CTNND2: variants seen among roughly 807,000 people sequenced by gnomAD.
CTNND2 encodes the protein catenin delta-2.
CTNND2 carries 22 observed loss-of-function variants against 144.4 expected under a neutral mutation model. The ratio of observed to expected loss-of-function variants is 0.15; its 90% CI spans 0.11 to 0.22. The LOEUF (loss-of-function observed/expected upper bound fraction) is 0.22. Ranked by LOEUF, CTNND2 falls within the 10% of genes least tolerant of loss-of-function variation. CTNND2 has a pLI of 1.00. For missense variants in CTNND2, 1,353 were observed against 1,618.8 expected (o/e 0.84, Z 2.82); for synonymous variants, 751 against 695.6 (o/e 1.08, Z -1.25).
chr5:11,522,297 A>T (rs539561692), intron 3 of CTNND2, among the ~76,000 whole-genome samples: 21 of 152,328 alleles, frequency 1.4e-4, no homozygotes, highest in African/African-American at 5.1e-4. Flanking sequence ...CCTGGGCTGG[A>T]AGACCCAGGA....
intron 3 of CTNND2, among the ~76,000 whole-genome samples, chr5:11,462,905 G>A (rs1453346643): frequency 6.6e-6 from 1 of 151,874 alleles, no homozygotes; most frequent in Admixed American, 6.6e-5. Context: ...TCGGCCTCAT[G>A]TGGACTTGGC....
intron 1 of CTNND2, among the ~76,000 whole-genome samples, chr5:11,808,504 G>A (rs1792133579): frequency 6.6e-6 from 1 of 152,166 alleles, no homozygotes; most frequent in African/African-American, 2.4e-5. Context: ...GCAGCTCTTG[G>A]TCTGCAAGCA....
intron 3 of CTNND2, among the ~76,000 whole-genome samples, chr5:11,526,773 A>G (rs967115103): frequency 7.2e-5 from 11 of 152,186 alleles, no homozygotes; most frequent in Admixed American, 4.6e-4. Context: ...AGGAGAACTG[A>G]AACAGGGACT....
chr5:11,702,426 G>A (rs1032064118), intron 2 of CTNND2, among the ~76,000 whole-genome samples: 3 of 152,176 alleles, frequency 2.0e-5, no homozygotes, highest in Admixed American at 1.3e-4. Flanking sequence ...TGAAGGAGGT[G>A]CTCAGACAGT....
chr5:11,114,928 T>C (rs1753396395), intron 13 of CTNND2, among the ~76,000 whole-genome samples: 1 of 152,076 alleles, frequency 6.6e-6, no homozygotes, highest in Admixed American at 6.5e-5. Context: ...ATCCAGCCAG[T>C]GAAGCACCTG....
intron 2 of CTNND2, among the ~76,000 whole-genome samples, chr5:11,660,315 T>C (rs146711088): frequency 1.6e-4 from 25 of 152,234 alleles, no homozygotes; most frequent in African/African-American, 4.3e-4. Flanking sequence ...ACGAGAAAAG[T>C]ATAAGTTAAA....
chr5:11,738,725 A>G (rs1787835896), intron 1 of CTNND2, among the ~76,000 whole-genome samples: 1 of 152,168 alleles, frequency 6.6e-6, no homozygotes. Flanking sequence ...CAACCATCCA[A>G]TTAAGTGATA....
At chr5:11,596,532 C>A (rs1194279198) in intron 2 of CTNND2, among the ~76,000 whole-genome samples, 1 of 152,128 alleles carries the variant, frequency 6.6e-6, no homozygotes, top group Non-Finnish European at 1.5e-5. Context: ...TATTTATTTG[C>A]AAAGAGAAAT....
intron 2 of CTNND2, chr5:11,589,057 CA>C: frequency 1.0e-6 from 1 of 984,498 alleles, no homozygotes. Flanking sequence ...AGAGATACCA[CA>C]AGCCCAGTGG....
chr5:11,099,970 C>T (rs1442084251), intron 14 of CTNND2, among the ~76,000 whole-genome samples: 1 of 151,276 alleles, frequency 6.6e-6, no homozygotes, highest in African/African-American at 2.4e-5. Flanking sequence ...ATTTTATGTA[C>T]ATACATATAT....
chr5:11,471,678 C>T (rs1223358107), intron 3 of CTNND2, among the ~76,000 whole-genome samples: 1 of 152,056 alleles, frequency 6.6e-6, no homozygotes, highest in Non-Finnish European at 1.5e-5. Context: ...TCTATAAAGG[C>T]CAAAAAGTGG....
At chr5:11,056,077 TG>T (rs1198914982) in intron 16 of CTNND2, among the ~76,000 whole-genome samples, 1 of 152,196 alleles carries the variant, frequency 6.6e-6, no homozygotes, top group African/African-American at 2.4e-5. Context: ...ATCACGGAGA[TG>T]GGGCGGAGTG....
At chr5:11,365,337 C>G (rs1238736920) in intron 7 of CTNND2, among the ~76,000 whole-genome samples, 1 of 152,176 alleles carries the variant, frequency 6.6e-6, no homozygotes, top group Non-Finnish European at 1.5e-5. Context: ...AAAAAGTGAA[C>G]TAGAAATTGT....
chr5:11,480,577 C>T (rs898462812), intron 3 of CTNND2, among the ~76,000 whole-genome samples: 15 of 151,544 alleles, frequency 9.9e-5, no homozygotes, highest in Admixed American at 1.3e-4. Context: ...GATGAAATTA[C>T]TTTGACATGT....
At chr5:11,825,713 T>C (rs1209615567) in intron 1 of CTNND2, among the ~76,000 whole-genome samples, 1 of 151,992 alleles carries the variant, frequency 6.6e-6, no homozygotes, top group Non-Finnish European at 1.5e-5. Flanking sequence ...AAGATAAAGA[T>C]AAACTTATGC....
intron 1 of CTNND2, among the ~76,000 whole-genome samples, chr5:11,753,441 G>A (rs942321092): frequency 3.3e-5 from 5 of 151,754 alleles, no homozygotes; most frequent in Non-Finnish European, 7.4e-5. Flanking sequence ...TAGGTTTCAT[G>A]TTTTTAGTTC....
At chr5:11,283,890 T>C (rs560869299) in intron 9 of CTNND2, among the ~76,000 whole-genome samples, 5 of 152,196 alleles carry the variant, frequency 3.3e-5, no homozygotes, top group South Asian at 2.1e-4. Flanking sequence ...GTAGCAGCCA[T>C]GCAATGCGGA....
At chr5:11,418,244 T>C (rs1005511036) in intron 3 of CTNND2, among the ~76,000 whole-genome samples, 1 of 151,948 alleles carries the variant, frequency 6.6e-6, no homozygotes, top group African/African-American at 2.4e-5. Context: ...CCATCTCTAC[T>C]AAAAATACAA....
rs1738246126 is a variant in CTNND2, at chr5:10,988,158, T to G, written c.3296A>C (p.Tyr1099Ser). ...AGTGTGTTCGCCTTTAGCTCCGTGG[T>G]AGGTGGCGTTGCTGCCGGTGCACTC... ...DYECTGSNAT[Y>S]HGAKGEHTSR... The change falls in exon 20 of 22, where the codon TAC becomes TCC. Residue 1099 changes from tyrosine (Y) to serine (S), a missense_variant. Transcript: ENST00000304623. The surrounding 1 kb of genome is among the most constrained non-coding windows in gnomAD (Gnocchi z 5.9). 6.2e-7 allele frequency: 1 copy of G among 1,614,216 alleles called. No individual in the cohort carries two copies. The highest frequency in any genetic ancestry group is 2.2e-5 in the East Asian group (1 of 44,858).
Sources: allele counts gnomAD v4.1 joint callset (sites outside exome capture counted in the v4.1 genomes callset), GRCh38; gene constraint gnomAD v4.1.1; non-coding constraint Gnocchi (gnomAD v3.1); transcripts MANE v1.5; gene names NCBI Gene and HGNC (gene_info 2026-07-23, HGNC 2026-07-21).